PTX4: variants seen among roughly 807,000 people sequenced by gnomAD.
PTX4 encodes the protein pentraxin 4.
Under a neutral mutation model 19.1 loss-of-function variants are expected in PTX4, and 23 were observed. That is an observed-to-expected ratio of 1.20 (90% CI 0.87 to 1.70). PTX4 has a LOEUF of 1.70. PTX4 is among the 40% of genes most tolerant of loss of function. The pLI is 0.00. For missense variants in PTX4, 678 were observed against 610.5 expected (o/e 1.11, Z -1.17); for synonymous variants, 317 against 279.6 (o/e 1.13, Z -1.33).
intron 1 of PTX4, 52 bp from the exon 2 acceptor site, chr16:1,488,022 C>T (rs1008897017): frequency 2.2e-5 from 33 of 1,508,322 alleles, no homozygotes; most frequent in Middle Eastern, 1.8e-4. Flanking sequence ...GCCGGCTGGG[C>T]GGGACGGGAA....
chr16:1,486,859 C>T (rs2039250910), intron 2 of PTX4, among the ~76,000 whole-genome samples: 1 of 152,202 alleles, frequency 6.6e-6, no homozygotes, highest in Non-Finnish European at 1.5e-5. Context: ...CCAGCTGAGC[C>T]AGCGCCCCTC....
At position 1,488,818 on chromosome 16, in the gene PTX4, A is replaced by G; in HGVS notation, c.92T>C (p.Val31Ala). The G allele has an allele frequency of 1.4e-6, 1 of 702,548 alleles. No individual in the cohort carries two copies. The highest frequency in any genetic ancestry group is 2.6e-6 in the Non-Finnish European group (1 of 384,640). The allele number at this position is 702,548 out of a possible 1,614,324, so 43.5% of individuals were successfully genotyped here. The change falls in exon 1 of 3, where the codon GTG (valine) becomes GCG (alanine). Residue 31 changes from valine to alanine, a missense_variant. Transcript: ENST00000447419. ...HGASSQEAAPVGPRKPFFERL... is the reference protein window; with the variant it reads ...HGASSQEAAPAGPRKPFFERL... ...CTCGAAAAACGGTTTCCTGGGCCCC[A>G]CTGGGGCGGCTTCCTGCGATGAAGC...
At position 1,487,942 on chromosome 16, in the gene PTX4, G is replaced by C; in HGVS notation, c.170C>G (p.Thr57Arg). The change falls in exon 2 of 3, where the codon ACA becomes AGA. Residue 57 changes from threonine (T) to arginine (R), a missense_variant. Thr to Arg is a moderately conservative substitution (Grantham distance 71). Coordinates refer to ENST00000447419, the MANE Select transcript of PTX4 (RefSeq NM_001328608.2). Reference protein sequence around the residue: ...QFRRFQEVTWTHLQNIASNYN... With the variant: ...QFRRFQEVTWRHLQNIASNYN... ...GTTGCTGGCGATGTTCTGCAGGTGT[G>C]TCCAGGTCACCTCCTGGAATCTCCG... 1 of 1,596,320 alleles carries C rather than the reference G, an allele frequency of 6.3e-7. No homozygotes were observed. Among genetic ancestry groups the C allele is most frequent in the Non-Finnish European group, 8.6e-7 (1 of 1,168,414 alleles).
chr16:1,488,365 C>A (rs751163469), intron 1 of PTX4: 1 of 1,613,856 alleles, frequency 6.2e-7, no homozygotes, highest in East Asian at 2.2e-5. Context: ...GACAGGCCCA[C>A]AGCACTCCGG....
In PTX4 at chr16:1,487,923, G is replaced by A. The variant is rs1325280311; in HGVS notation, c.189C>T (p.Ala63=). ...EVTWTHLQNI[A]SNYNVSYNVD... is the part of the protein sequence containing the mutation. ...CGTTGTAGGACACGTTGTAGTTGCT[G>A]GCGATGTTCTGCAGGTGTGTCCAGG... Residue 63 remains alanine (A), a synonymous_variant, in exon 2 of 3, where the codon GCC becomes GCT. Transcript: ENST00000447419. The A allele has an allele frequency of 6.2e-7, 1 of 1,608,242 alleles. No homozygotes were observed. The highest frequency in any genetic ancestry group is 1.7e-5 in the Admixed American group (1 of 59,846).
At chr16:1,487,255 C>T (rs373416847) in intron 2 of PTX4, 61 bp downstream of exon 2, 40 of 1,407,258 alleles carry the variant, frequency 2.8e-5, no homozygotes, top group East Asian at 2.4e-4. Context: ...TTCCAGGGGG[C>T]CTGGTCTAAG....
chr16:1,488,076 G>A (rs1596240270), intron 1 of PTX4, 106 bp from the exon 2 acceptor site: 2 of 1,201,920 alleles, frequency 1.7e-6, no homozygotes, highest in East Asian at 4.7e-5. Flanking sequence ...GCGTGCCCGG[G>A]CCACGGCCAG....
intron 1 of PTX4, 95 bp from the exon 2 acceptor site, chr16:1,488,065 C>T (rs574423074): frequency 4.5e-5 from 59 of 1,320,330 alleles, no homozygotes; most frequent in East Asian, 2.6e-4. Flanking sequence ...GAGCAGCGGC[C>T]GCGTGCCCGG....
Position 1,487,879 on chromosome 16 carries a change from C to T in PTX4, c.233G>A (p.Ser78Asn), listed in dbSNP as rs1302863103. 6.2e-7 allele frequency: 1 copy of T among 1,612,980 alleles called. No individual in the cohort carries two copies. The highest frequency in any genetic ancestry group is 8.5e-7 in the Non-Finnish European group (1 of 1,179,898). The change falls in exon 2 of 3, where the codon AGC becomes AAC. Residue 78 changes from serine (S) to asparagine (N), a missense_variant. Ser to Asn is a conservative substitution (Grantham distance 46). Transcript: ENST00000447419. ...CACAGCCTGGCTCTCTTCCGCCAGGCTCCGGAACCGGACGTCAACGTTGTA... is the reference window on the plus strand; with the variant it reads ...CACAGCCTGGCTCTCTTCCGCCAGGTTCCGGAACCGGACGTCAACGTTGTA... ...VSYNVDVRFR[S>N]LAEESQAVAQ... is the part of the protein sequence containing the mutation.
chr16:1,487,527 C>A lies in PTX4; in HGVS notation c.585G>T (p.Gln195His). Residue 195 changes from glutamine (Q) to histidine (H), a missense_variant, in exon 2 of 3, where the codon CAG becomes CAT. By Grantham distance (24) the Gln-to-His change is conservative. Transcript: ENST00000447419. ...GGGAGGTCGGGCCCAGCTCCTCAGG[C>A]TGGGTTGGGGTTGGGACCAGGGCCG... Reference protein sequence around the residue: ...LGPALVPTPTQPEELGPTSLK... With the variant: ...LGPALVPTPTHPEELGPTSLK... 1 of 1,514,436 alleles carries A rather than the reference C, an allele frequency of 6.6e-7. No homozygotes were observed. Among genetic ancestry groups the A allele is most frequent in the Non-Finnish European group, 8.8e-7 (1 of 1,132,890 alleles). The allele number at this position is 1,514,436 out of a possible 1,614,324, so 93.8% of individuals were successfully genotyped here.
At position 1,488,817 on chromosome 16, in the gene PTX4, C is replaced by T. The variant is rs1202565204; in HGVS notation, c.93G>A (p.Val31=). ...TCTCGAAAAACGGTTTCCTGGGCCC[C>T]ACTGGGGCGGCTTCCTGCGATGAAG... ...HGASSQEAAP[V]GPRKPFFERL... Residue 31 remains valine, a synonymous_variant, in exon 1 of 3, where the codon GTG becomes GTA. Transcript: ENST00000447419. The T allele has an allele frequency of 1.0e-5, 7 of 702,454 alleles. No individual in the cohort carries two copies. The highest frequency in any genetic ancestry group is 4.0e-5 in the Admixed American group (2 of 49,976). 43.5% of individuals were successfully genotyped at this position (702,454 alleles called of 1,614,324 possible). A position where few individuals can be genotyped will look rare whatever the true frequency, so the allele number is the denominator to read the frequency against.
Position 1,487,911 on chromosome 16 carries a change from G to T in PTX4, c.201C>A (p.Asn67Lys). ...ACCGGACGTCAACGTTGTAGGACAC[G>T]TTGTAGTTGCTGGCGATGTTCTGCA... ...THLQNIASNYNVSYNVDVRFR... is the reference protein window; with the variant it reads ...THLQNIASNYKVSYNVDVRFR... Residue 67 changes from asparagine (N) to lysine (K), a missense_variant, in exon 2 of 3, where the codon AAC becomes AAA. By Grantham distance (94) the Asn-to-Lys change is moderately conservative. Coordinates refer to ENST00000447419, the MANE Select transcript of PTX4 (RefSeq NM_001328608.2). 6.2e-7 allele frequency: 1 copy of T among 1,610,304 alleles called. No homozygotes were observed. The highest frequency in any genetic ancestry group is 1.1e-5 in the South Asian group (1 of 90,892).
At chr16:1,486,678 G>T in intron 2 of PTX4, 99 bp from the exon 3 acceptor site, 1 of 1,272,384 alleles carries the variant, frequency 7.9e-7, no homozygotes, top group South Asian at 1.5e-5. Context: ...ACTCCCGGCT[G>T]CCACCCTTCA....
chr16:1,486,764 C>G (rs909466847), intron 2 of PTX4, among the ~76,000 whole-genome samples, 185 bp from the exon 3 acceptor site: 17 of 152,174 alleles, frequency 1.1e-4, no homozygotes, highest in African/African-American at 3.9e-4. Flanking sequence ...TGGGATCACC[C>G]CAGTTCCACA....
At chr16:1,486,880 A>G (rs2039251022) in intron 2 of PTX4, among the ~76,000 whole-genome samples, 1 of 152,108 alleles carries the variant, frequency 6.6e-6, no homozygotes, top group African/African-American at 2.4e-5. Flanking sequence ...ACTGCCAGGG[A>G]GTCTCTGCAA....
In PTX4 at chr16:1,487,987, G is replaced by T; in HGVS notation, c.142-17C>A. On this transcript the variant is annotated splice_polypyrimidine_tract_variant and intron_variant, in intron 1 of 2. Transcript: ENST00000447419. ...TCTCCGGAACTGTAAGGAGGACACG[G>T]TGATGATGGGGCGGGCCGGGCCGGG... is the stretch of plus-strand genomic sequence containing the variant. 2.6e-6 allele frequency: 4 copies of T among 1,552,580 alleles called. No individual in the cohort carries two copies. Among genetic ancestry groups the T allele is most frequent in the Non-Finnish European group, 3.5e-6 (4 of 1,144,674 alleles).
Position 1,487,869 on chromosome 16 carries a change from T to C in PTX4, c.243A>G (p.Glu81=). The change falls in exon 2 of 3, where the codon GAA becomes GAG. Residue 81 remains glutamate, a synonymous_variant. Transcript: ENST00000447419. ...NVDVRFRSLA[E]ESQAVAQAVN... Reference sequence around the variant, plus strand: ...CTGCCTGAGCCACAGCCTGGCTCTCTTCCGCCAGGCTCCGGAACCGGACGT... The same window carrying C: ...CTGCCTGAGCCACAGCCTGGCTCTCCTCCGCCAGGCTCCGGAACCGGACGT... 1 of 1,613,060 alleles carries C rather than the reference T, an allele frequency of 6.2e-7. No homozygotes were observed. The highest frequency in any genetic ancestry group is 1.3e-5 in the African/African-American group (1 of 75,048).
chr16:1,487,612 C>T lies in PTX4; in HGVS notation c.500G>A (p.Arg167Lys). 6.4e-7 allele frequency: 1 copy of T among 1,571,850 alleles called. No homozygotes were observed. The highest frequency in any genetic ancestry group is 8.6e-7 in the Non-Finnish European group (1 of 1,156,654). ...CAGCCGCCCCTCCAGAGCAGCCAGC[C>T]TGGCGCCCTGGCTGTGGACGAGGCC... ...LEGLVHSQGARLAALEGRLPV... is the reference protein window; with the variant it reads ...LEGLVHSQGAKLAALEGRLPV... The change falls in exon 2 of 3, where the codon AGG becomes AAG. Residue 167 changes from arginine (R) to lysine (K), a missense_variant. Arg to Lys is a conservative substitution (Grantham distance 26). Transcript: ENST00000447419.
chr16:1,486,678 G>C, intron 2 of PTX4, 99 bp from the exon 3 acceptor site: 1 of 1,272,390 alleles, frequency 7.9e-7, no homozygotes, highest in Non-Finnish European at 1.1e-6. Context: ...ACTCCCGGCT[G>C]CCACCCTTCA....
Sources: allele counts gnomAD v4.1 joint callset (sites outside exome capture counted in the v4.1 genomes callset), GRCh38; gene constraint gnomAD v4.1.1; transcripts MANE v1.5; gene names NCBI Gene and HGNC (gene_info 2026-07-23, HGNC 2026-07-21).